SHPRH: variants seen among roughly 807,000 people sequenced by gnomAD.
The protein encoded by SHPRH is SNF2 histone linker PHD RING helicase, also known as E3 ubiquitin-protein ligase SHPRH.
A neutral mutation model predicts 202.5 loss-of-function variants in SHPRH; 106 were observed. That is an observed-to-expected ratio of 0.52 (90% CI 0.45 to 0.62). The LOEUF (loss-of-function observed/expected upper bound fraction) is 0.62, where lower values mean the gene tolerates loss of function less well. Ranked by LOEUF, SHPRH falls within the 20% of genes least tolerant of loss-of-function variation. The pLI, the probability that SHPRH is intolerant of heterozygous loss-of-function variation, is 0.00. For missense variants in SHPRH, 1,710 were observed against 2,020.0 expected (o/e 0.85, Z 2.94); for synonymous variants, 729 against 686.0 (o/e 1.06, Z -0.98).
intron 9 of SHPRH, among the ~76,000 whole-genome samples, chr6:145,942,748 C>G (rs1490417427): frequency 6.6e-6 from 1 of 152,132 alleles, no homozygotes; most frequent in Non-Finnish European, 1.5e-5. Context: ...GCTGAGGTAA[C>G]TGAAGCTTTA....
At chr6:145,941,527 G>C (rs1786774299) in intron 10 of SHPRH, 96 bp downstream of exon 10, 3 of 1,532,404 alleles carry the variant, frequency 2.0e-6, no homozygotes, top group Non-Finnish European at 2.6e-6. Context: ...CAGTACTACA[G>C]GTTAACTATG....
At position 145,964,171 on chromosome 6, in the gene SHPRH, C is replaced by G. The variant is rs560392217; in HGVS notation, c.-473G>C. ...CAAGCGCCTACCCAAGCTGGTTCTC[C>G]GAGCCTCTTGAGTCTGTTTGCACCA... On this transcript the variant is annotated 5_prime_UTR_variant, in exon 1 of 30. Transcript: ENST00000275233. 6.6e-6 allele frequency: 1 copy of G among 152,542 alleles called. No homozygotes were observed. The highest frequency in any genetic ancestry group is 6.5e-5 in the Admixed American group (1 of 15,306). 9.4% of individuals were successfully genotyped at this position (152,542 alleles called of 1,614,324 possible).
Position 145,943,418 on chromosome 6 carries a change from A to C in SHPRH, c.1963T>G (p.Ser655Ala), listed in dbSNP as rs1787007250. The C allele has an allele frequency of 1.2e-6, 2 of 1,613,940 alleles. No individual in the cohort carries two copies. The highest frequency in any genetic ancestry group is 1.7e-6 in the Non-Finnish European group (2 of 1,179,984). The change falls in exon 9 of 30, where the codon TCT becomes GCT. Residue 655 changes from serine to alanine, a missense_variant. Coordinates refer to ENST00000275233, the MANE Select transcript of SHPRH (RefSeq NM_001042683.3). ...CATATACACTCAAAGCGGTAATCAG[A>C]GGTGTTAAAGGGACTCATGGTATTA... ...PSNTMSPFNT[S>A]DYRFECICGE...
chr6:145,898,507 T>C (rs1357401946), intron 25 of SHPRH, among the ~76,000 whole-genome samples: 3 of 152,162 alleles, frequency 2.0e-5, no homozygotes, highest in Admixed American at 6.6e-5. Context: ...ATGCTGAAAT[T>C]TGATACCCAG....
chr6:145,921,611 A>C (rs1784437016), intron 20 of SHPRH, among the ~76,000 whole-genome samples: 1 of 151,958 alleles, frequency 6.6e-6, no homozygotes, highest in African/African-American at 2.4e-5. Context: ...TGCCATAACA[A>C]CACAAAAATC....
chr6:145,882,750 A>C (rs765501706), downstream of SHPRH, among the ~76,000 whole-genome samples: 1 of 152,238 alleles, frequency 6.6e-6, no homozygotes, highest in Non-Finnish European at 1.5e-5. Context: ...TGGGTAAAGA[A>C]TTAGGGACAT....
intron 24 of SHPRH, among the ~76,000 whole-genome samples, chr6:145,912,966 T>G (rs1489871610): frequency 2.6e-5 from 4 of 152,200 alleles, no homozygotes; most frequent in African/African-American, 9.6e-5. Context: ...TATACTAATA[T>G]CCACAAAGGA....
At chr6:145,895,266 G>A (rs1361205095) in intron 25 of SHPRH, among the ~76,000 whole-genome samples, 2 of 151,938 alleles carry the variant, frequency 1.3e-5, no homozygotes, top group African/African-American at 4.8e-5. Context: ...AAGTAGTCAG[G>A]TTTTATAGTT....
chr6:145,926,488 C>T (rs1436717537), intron 15 of SHPRH, among the ~76,000 whole-genome samples, 192 bp from the exon 16 acceptor site: 1 of 151,874 alleles, frequency 6.6e-6, no homozygotes, highest in Non-Finnish European at 1.5e-5. Flanking sequence ...GGTCTAGGAC[C>T]TGCCTTTTGT....
At chr6:145,920,080 G>A (rs1279679666) in intron 21 of SHPRH, among the ~76,000 whole-genome samples, 2 of 152,070 alleles carry the variant, frequency 1.3e-5, no homozygotes, top group African/African-American at 2.4e-5. Context: ...ATATGTTTCT[G>A]AAATTCACAG....
chr6:145,893,408 T>G lies in SHPRH; in HGVS notation c.4696-15A>C, dbSNP rs776319033. 6.4e-7 allele frequency: 1 copy of G among 1,566,068 alleles called. No homozygotes were observed. Among genetic ancestry groups the G allele is most frequent in the South Asian group, 1.2e-5 (1 of 83,432 alleles). ...GAAAGGTTCTCCTAAAAAAGAAAGGTACATTTTAATTTTAGCTCGATCAGT... is the reference window on the plus strand; with the variant it reads ...GAAAGGTTCTCCTAAAAAAGAAAGGGACATTTTAATTTTAGCTCGATCAGT... On this transcript the variant is annotated splice_polypyrimidine_tract_variant and intron_variant, in intron 27 of 29. Transcript: ENST00000275233.
At chr6:145,922,454 T>C (rs1784507814) in intron 19 of SHPRH, 106 bp from the exon 20 acceptor site, 11 of 1,315,586 alleles carry the variant, frequency 8.4e-6, no homozygotes, top group South Asian at 2.8e-5. Context: ...CCACTAGATA[T>C]GCCATTTTAG....
chr6:145,926,165 A>G, intron 16 of SHPRH, 39 bp downstream of exon 16: 2 of 1,560,644 alleles, frequency 1.3e-6, no homozygotes, highest in Non-Finnish European at 1.8e-6. Context: ...AAGTTTGAAG[A>G]AAATATACTT....
At chr6:145,960,863 C>T (rs959990659) in intron 1 of SHPRH, among the ~76,000 whole-genome samples, 5 of 151,988 alleles carry the variant, frequency 3.3e-5, no homozygotes, top group Admixed American at 2.6e-4. Flanking sequence ...TTCCATGGAC[C>T]GGAGGAGAGG....
downstream of SHPRH, among the ~76,000 whole-genome samples, chr6:145,862,189 C>T (rs1055314467): frequency 2.6e-5 from 4 of 152,112 alleles, no homozygotes; most frequent in East Asian, 3.9e-4. Context: ...AGGCCGGGCA[C>T]GGTGGCTCAC....
intron 25 of SHPRH, among the ~76,000 whole-genome samples, chr6:145,898,233 A>G (rs914942322): frequency 3.9e-5 from 6 of 152,166 alleles, no homozygotes; most frequent in African/African-American, 7.2e-5. Flanking sequence ...GGACGTCAAG[A>G]AAAAATATTT....
intron 19 of SHPRH, 34 bp from the exon 20 acceptor site, chr6:145,922,382 A>T: frequency 6.5e-7 from 1 of 1,544,252 alleles, no homozygotes; most frequent in Non-Finnish European, 8.7e-7. Flanking sequence ...AATATTCACA[A>T]ACATAACCAG....
downstream of SHPRH, chr6:145,864,202 C>T (rs1436584808): frequency 5.0e-6 from 1 of 198,268 alleles, no homozygotes; most frequent in East Asian, 1.4e-4. Context: ...TTCCTCATTT[C>T]TTTATTCTTC....
At position 145,921,346 on chromosome 6, in the gene SHPRH, C is replaced by T; in HGVS notation, c.3829G>A (p.Glu1277Lys). 1 of 1,612,752 alleles carries T rather than the reference C, an allele frequency of 6.2e-7. No homozygotes were observed. The highest frequency in any genetic ancestry group is 1.7e-5 in the Admixed American group (1 of 59,814). The change falls in exon 21 of 30, where the codon GAA (glutamate) becomes AAA (lysine). Residue 1277 changes from glutamate (E) to lysine (K), a missense_variant. Physicochemically the swap from Glu to Lys is moderately conservative, Grantham distance 56. Transcript: ENST00000275233. The part of the protein sequence containing the change: ...AIFEEMIEDE[E>K]GLVDDRAPTT... ...GGTGCTCGATCATCCACCAGTCCTT[C>T]TTCATCTTCTATCATCTCCTCAAAT...
Sources: allele counts gnomAD v4.1 joint callset (sites outside exome capture counted in the v4.1 genomes callset), GRCh38; gene constraint gnomAD v4.1.1; transcripts MANE v1.5; gene names NCBI Gene and HGNC (gene_info 2026-07-23, HGNC 2026-07-21).